Variants in CSMD1 observed in about 807,000 individuals in gnomAD.
The protein encoded by CSMD1 is CUB and Sushi multiple domains 1.
CSMD1 carries 213 observed loss-of-function variants against 417.5 expected under a neutral mutation model. The ratio of observed to expected loss-of-function variants is 0.51; its 90% CI spans 0.46 to 0.57. The LOEUF (loss-of-function observed/expected upper bound fraction) is 0.57, where lower values mean the gene tolerates loss of function less well. Among genes scored for constraint, CSMD1 ranks in the 20% least tolerant of loss-of-function variants. CSMD1 has a pLI of 0.00. For synonymous variants in CSMD1, 2,862 were observed against 1,736.8 expected (o/e 1.65, Z -16.11); for missense variants, 6,923 against 4,529.7 (o/e 1.53, Z -15.17).
intron 26 of CSMD1, among the ~76,000 whole-genome samples, chr8:3,252,531 G>A (rs576786518): frequency 7.2e-5 from 11 of 152,058 alleles, no homozygotes; most frequent in Admixed American, 1.3e-4. Flanking sequence ...CTCTTTTTTT[G>A]TTGTGTGTCT....
chr8:4,057,987 T>G (rs1409442451), intron 3 of CSMD1, among the ~76,000 whole-genome samples: 2 of 151,552 alleles, frequency 1.3e-5, no homozygotes, highest in Non-Finnish European at 2.9e-5. Context: ...AGCTTTGTTC[T>G]TTTGCCTTAG....
chr8:3,494,885 A>G (rs1025535290), intron 10 of CSMD1, among the ~76,000 whole-genome samples: 1 of 152,198 alleles, frequency 6.6e-6, no homozygotes, highest in African/African-American at 2.4e-5. Flanking sequence ...AGCTTGAAAG[A>G]AAAGAGTAAG....
chr8:4,284,638 A>C (rs565499386), intron 3 of CSMD1, among the ~76,000 whole-genome samples: 9 of 152,230 alleles, frequency 5.9e-5, no homozygotes, highest in African/African-American at 2.2e-4. Flanking sequence ...CTGTTCTCCA[A>C]GGGTGGACTC....
At chr8:3,067,925 T>C (rs1448837840) in intron 49 of CSMD1, among the ~76,000 whole-genome samples, 4 of 152,158 alleles carry the variant, frequency 2.6e-5, no homozygotes, top group Non-Finnish European at 5.9e-5. Context: ...CCAGAGTTCA[T>C]CTAGTAAGGG....
At chr8:4,234,207 A>T (rs1654544174) in intron 3 of CSMD1, among the ~76,000 whole-genome samples, 1 of 152,212 alleles carries the variant, frequency 6.6e-6, no homozygotes, top group Admixed American at 6.5e-5. Context: ...ATGAACAGAA[A>T]AGACATCTGT....
At chr8:4,527,901 C>A (rs946500768) in intron 2 of CSMD1, among the ~76,000 whole-genome samples, 6 of 152,154 alleles carry the variant, frequency 3.9e-5, no homozygotes, top group African/African-American at 1.4e-4. Flanking sequence ...GAAGATAAGG[C>A]AACCTACAGG....
At chr8:3,259,090 G>T (rs879651661) in intron 26 of CSMD1, among the ~76,000 whole-genome samples, 4 of 152,158 alleles carry the variant, frequency 2.6e-5, no homozygotes, top group Non-Finnish European at 5.9e-5. Context: ...TATAAAGCAG[G>T]TATCTTAACC....
At position 3,772,646 on chromosome 8, in the gene CSMD1, TATACATATATAC is replaced by T. The variant is rs544030908; in HGVS notation, c.819-18616_819-18605del. 1.6e-3 allele frequency among the ~76,000 whole-genome samples: 233 copies of T among 146,286 alleles called. 12 individuals are homozygous for T. The highest frequency in any genetic ancestry group is 5.7e-3 in the African/African-American group (229 of 40,098). ...ATATACACATATATTTATATACATATATACATATATACATACATTTATATATACATATATACA... is the reference window on the plus strand; with the variant it reads ...ATATACACATATATTTATATACATATATACATTTATATATACATATATACA... On this transcript the variant is annotated intron_variant, in intron 5 of 69. Transcript: ENST00000635120.
At chr8:3,730,298 G>C (rs4350006) in intron 6 of CSMD1, among the ~76,000 whole-genome samples, 108,477 of 151,128 alleles carry the variant, frequency 0.72, 40,787 homozygotes, top group Non-Finnish European at 0.83. Flanking sequence ...CCCTGACTCA[G>C]CCATTCCTTC....
intron 3 of CSMD1, among the ~76,000 whole-genome samples, chr8:4,091,425 G>C (rs754594976): frequency 2.6e-5 from 4 of 152,046 alleles, no homozygotes; most frequent in Non-Finnish European, 5.9e-5. Context: ...TTTTACTCAA[G>C]TTATTATTTG....
intron 10 of CSMD1, among the ~76,000 whole-genome samples, chr8:3,511,749 C>A (rs1288690188): frequency 8.5e-6 from 1 of 118,316 alleles, no homozygotes; most frequent in East Asian, 2.3e-4. Flanking sequence ...GAGTGAGACT[C>A]CATCTCTAAA....
intron 1 of CSMD1, among the ~76,000 whole-genome samples, chr8:4,870,244 C>T (rs1802657927): frequency 6.6e-6 from 1 of 152,052 alleles, no homozygotes; most frequent in African/African-American, 2.4e-5. Flanking sequence ...AAAGTAAAAA[C>T]TGGAAACATC....
intron 3 of CSMD1, among the ~76,000 whole-genome samples, chr8:4,240,056 T>G (rs1802298208): frequency 6.6e-6 from 1 of 152,238 alleles, no homozygotes; most frequent in African/African-American, 2.4e-5. Flanking sequence ...ATCATGCATT[T>G]TTATTACTCA....
intron 3 of CSMD1, among the ~76,000 whole-genome samples, chr8:4,038,095 G>A (rs1346315222): frequency 6.6e-6 from 1 of 151,906 alleles, no homozygotes; most frequent in Non-Finnish European, 1.5e-5. Flanking sequence ...CAGCAAATGG[G>A]AAAAAATGAT....
intron 3 of CSMD1, among the ~76,000 whole-genome samples, chr8:4,284,480 T>G (rs1290770991): frequency 1.3e-5 from 2 of 151,794 alleles, no homozygotes; most frequent in Non-Finnish European, 2.9e-5. Context: ...GCTTTCTGTT[T>G]CCACATGTTG....
chr8:3,000,676 C>T (rs1007142734), intron 52 of CSMD1, among the ~76,000 whole-genome samples: 3 of 152,100 alleles, frequency 2.0e-5, no homozygotes, highest in African/African-American at 7.2e-5. Context: ...GTAAAAATGG[C>T]CTGGAATCAG....
chr8:4,531,302 T>C (rs773037415), intron 2 of CSMD1, among the ~76,000 whole-genome samples: 1 of 152,238 alleles, frequency 6.6e-6, no homozygotes, highest in Non-Finnish European at 1.5e-5. Flanking sequence ...AAACCCGATG[T>C]GCCGTGGAAT....
chr8:4,180,175 C>G (rs150388754), intron 3 of CSMD1, among the ~76,000 whole-genome samples: 5,669 of 152,088 alleles, frequency 0.037, 125 homozygotes, highest in Non-Finnish European at 0.045. Context: ...TTGGAACCAA[C>G]CCAAATGTCC....
At position 3,052,587 on chromosome 8, in the gene CSMD1, G is replaced by C. The variant is rs751175274; in HGVS notation, c.7535C>G (p.Thr2512Ser). Reference sequence around the variant, plus strand: ...TTCATAGACCACTTTACTGTCCAAAGTGAACTCGTTCCCGGTAAATGAACC... The same window carrying C: ...TTCATAGACCACTTTACTGTCCAAACTGAACTCGTTCCCGGTAAATGAACC... ...GNGSFTGNEF[T>S]LDSKVVYECH... The change falls in exon 50 of 70, where the codon ACT becomes AGT. Residue 2512 changes from threonine (T) to serine (S), a missense_variant. Thr to Ser is a moderately conservative substitution (Grantham distance 58). Transcript: ENST00000635120. The C allele has an allele frequency of 3.1e-6, 5 of 1,611,946 alleles. No homozygotes were observed. Among genetic ancestry groups the C allele is most frequent in the African/African-American group, 1.3e-5 (1 of 74,990 alleles).
Sources: gnomAD v4.1 joint callset for allele counts (sites outside exome capture counted in the v4.1 genomes callset) on GRCh38, gnomAD v4.1.1 for gene constraint, MANE v1.5 for transcripts, NCBI Gene and HGNC (gene_info 2026-07-23, HGNC 2026-07-21) for gene names.